AMDHD2: variants seen among roughly 807,000 people sequenced by gnomAD.
The protein encoded by AMDHD2 is amidohydrolase domain containing 2.
A neutral mutation model predicts 41.8 loss-of-function variants in AMDHD2; 24 were observed. That is an observed-to-expected ratio of 0.57 (90% CI 0.42 to 0.81). The LOEUF (loss-of-function observed/expected upper bound fraction) is 0.81. AMDHD2 is among the 30% of genes least tolerant of loss of function. The probability of loss-of-function intolerance (pLI) is 0.00; values close to 1 mark genes in which losing one functional copy is unlikely to be tolerated. For missense variants in AMDHD2, 540 were observed against 588.5 expected, an observed-to-expected ratio of 0.92 and a Z score of 0.85; for synonymous variants, 332 against 255.5, an observed-to-expected ratio of 1.30 and a Z score of -2.85.
chr16:2,529,348 G>T, intron 10 of AMDHD2, 127 bp from the exon 11 acceptor site: 1 of 1,428,046 alleles, frequency 7.0e-7, no homozygotes, highest in Non-Finnish European at 9.6e-7. Context: ...GATGGGTCAG[G>T]GTGTCTTGCA....
chr16:2,527,470 A>T lies in AMDHD2; in HGVS notation c.361-91A>T. On this transcript the variant is annotated intron_variant, in intron 3 of 10. Transcript: ENST00000293971. The surrounding 1 kb of genome is among the most constrained non-coding windows in gnomAD (Gnocchi z 6.1). ...GGGCTGGGCTGGGTGCTGGGCTCTG[A>T]ACTCTGACCTGAGATCTCTGGCCTT... 6.9e-7 allele frequency: 1 copy of T among 1,442,574 alleles called. No homozygotes were observed. The highest frequency in any genetic ancestry group is 2.0e-5 in the Admixed American group (1 of 49,878). 89.4% of individuals were successfully genotyped at this position (1,442,574 alleles called of 1,614,324 possible).
At chr16:2,524,650 G>A (rs1029237756) in intron 3 of AMDHD2, among the ~76,000 whole-genome samples, 3 of 152,034 alleles carry the variant, frequency 2.0e-5, no homozygotes, top group Admixed American at 6.6e-5. Flanking sequence ...GAAAAACAGC[G>A]GCCCTTTGCC....
In AMDHD2 at chr16:2,528,069, T is replaced by C. The variant is rs780309047; in HGVS notation, c.638T>C (p.Val213Ala). The part of the protein sequence containing the change: ...RGICVSLGHS[V>A]ADLRAAEDAV... ...AATCCAGGTCCCGCAGGGCACTCAG[T>C]GGCTGACCTGCGGGCGGCAGAGGAT... The change falls in exon 6 of 11, where the codon GTG (valine) becomes GCG (alanine). Residue 213 changes from valine to alanine, a missense_variant. By Grantham distance (64) the Val-to-Ala change is moderately conservative. Coordinates refer to ENST00000293971, the MANE Select transcript of AMDHD2 (RefSeq NM_001330449.2). 9.3e-6 allele frequency: 15 copies of C among 1,612,968 alleles called. No homozygotes were observed. Among genetic ancestry groups the C allele is most frequent in the Admixed American group, 1.7e-5 (1 of 60,022 alleles).
At position 2,520,860 on chromosome 16, in the gene AMDHD2, G is replaced by A; in HGVS notation, c.175G>A (p.Gly59Arg). 3.1e-6 allele frequency: 5 copies of A among 1,610,994 alleles called. No individual in the cohort carries two copies. The highest frequency in any genetic ancestry group is 4.2e-6 in the Non-Finnish European group (5 of 1,178,990). Residue 59 changes from glycine (G) to arginine (R), a missense_variant, in exon 2 of 11, where the codon GGG (glycine) becomes AGG (arginine). Transcript: ENST00000293971. The part of the protein sequence containing the change: ...RRVADERRDC[G>R]GRILAPGFID... ...CGTGGCCGACGAGCGGCGGGACTGC[G>A]GGGGCCGCATCTTGGCTCCCGGATT... is the stretch of plus-strand genomic sequence containing the variant.
chr16:2,525,679 G>A (rs2065994858), intron 3 of AMDHD2, among the ~76,000 whole-genome samples: 1 of 152,116 alleles, frequency 6.6e-6, no homozygotes, highest in African/African-American at 2.4e-5. Context: ...CAGGTAGCTG[G>A]GACTACAGGT....
chr16:2,521,532 C>T (rs139264754), intron 3 of AMDHD2, among the ~76,000 whole-genome samples: 2 of 152,298 alleles, frequency 1.3e-5, no homozygotes, highest in East Asian at 3.9e-4. Flanking sequence ...CTCAGTGGAA[C>T]ACGCCTTCCA....
chr16:2,520,938 G>A (rs755588679), intron 2 of AMDHD2, 33 bp downstream of exon 2: 3 of 1,596,470 alleles, frequency 1.9e-6, no homozygotes, highest in South Asian at 2.2e-5. Flanking sequence ...GAACCCAGGG[G>A]AGGAGCTCTG....
Position 2,530,124 on chromosome 16 carries a change from T to C in AMDHD2, c.*561T>C, listed in dbSNP as rs2066065736. ...CAGGGCACAGTGCCAGGGGCTCCGC[T>C]CTGACCTCCAGGAGGGAGACTGGGC... On this transcript the variant is annotated 3_prime_UTR_variant, in exon 11 of 11. Coordinates refer to ENST00000293971, the MANE Select transcript of AMDHD2 (RefSeq NM_001330449.2). 1 of 1,324,524 alleles carries C rather than the reference T, an allele frequency of 7.5e-7. No individual in the cohort carries two copies. The highest frequency in any genetic ancestry group is 1.0e-6 in the Non-Finnish European group (1 of 994,142). 82.0% of individuals were successfully genotyped at this position (1,324,524 alleles called of 1,614,324 possible).
At chr16:2,523,948 C>A (rs920366046) in intron 3 of AMDHD2, among the ~76,000 whole-genome samples, 1 of 152,228 alleles carries the variant, frequency 6.6e-6, no homozygotes, top group Non-Finnish European at 1.5e-5. Context: ...CCAGCACAGG[C>A]GTGGGAGGAA....
At chr16:2,524,072 G>A (rs567588779) in intron 3 of AMDHD2, among the ~76,000 whole-genome samples, 7 of 152,352 alleles carry the variant, frequency 4.6e-5, no homozygotes, top group African/African-American at 1.7e-4. Context: ...GATGAAGGCA[G>A]AGAGCCAACT....
chr16:2,524,362 T>TA (rs1275658616), intron 3 of AMDHD2, among the ~76,000 whole-genome samples: 2 of 152,228 alleles, frequency 1.3e-5, no homozygotes, highest in African/African-American at 2.4e-5. Flanking sequence ...TTAAGTCTGT[T>TA]ACCTCCTGAG....
chr16:2,529,700 C>T lies in AMDHD2; in HGVS notation c.*137C>T, dbSNP rs1216765394. 46 of 1,487,428 alleles carry T rather than the reference C, an allele frequency of 3.1e-5. No homozygotes were observed. In the Admixed American group the frequency reaches 7.3e-4, roughly 24 times the overall value. The allele number at this position is 1,487,428 out of a possible 1,614,324, so 92.1% of individuals were successfully genotyped here. A position where few individuals can be genotyped will look rare whatever the true frequency, so the allele number is the denominator to read the frequency against. ...AGGGCCTGTGCGGCCGCCCTGGAGG[C>T]GGTGGCTGGGATAAACGTGCACCCA... is the stretch of plus-strand genomic sequence containing the variant. On this transcript the variant is annotated 3_prime_UTR_variant, in exon 11 of 11. Coordinates refer to ENST00000293971, the MANE Select transcript of AMDHD2 (RefSeq NM_001330449.2).
At position 2,520,899 on chromosome 16, in the gene AMDHD2, A is replaced by G; in HGVS notation, c.214A>G (p.Ile72Val). ...GGCTCCCGGATTCATCGACGTGCAG[A>G]TCAACGGTGCGGCCCGGGGCCGGCA... is the stretch of plus-strand genomic sequence containing the variant. ...ILAPGFIDVQ[I>V]NGGFGVDFSQ... The change falls in exon 2 of 11, where the codon ATC (isoleucine) becomes GTC (valine). Residue 72 changes from isoleucine (I) to valine (V), a missense_variant. Transcript: ENST00000293971. 2 of 1,607,690 alleles carry G rather than the reference A, an allele frequency of 1.2e-6. No homozygotes were observed. The highest frequency in any genetic ancestry group is 2.2e-5 in the South Asian group (2 of 90,478).
chr16:2,530,716 A>C lies in AMDHD2; in HGVS notation c.*1153A>C. ...GTCTGGGCCCCACCTGTTGGAAGGG[A>C]ACAGCCAGGGAAGAACCACCTGCCT... On this transcript the variant is annotated 3_prime_UTR_variant, in exon 11 of 11. Coordinates refer to ENST00000293971, the MANE Select transcript of AMDHD2 (RefSeq NM_001330449.2). The C allele has an allele frequency of 6.2e-7, 1 of 1,614,014 alleles. No homozygotes were observed. Among genetic ancestry groups the C allele is most frequent in the Non-Finnish European group, 8.5e-7 (1 of 1,180,016 alleles).
rs557104672 is a variant in AMDHD2 at position 2,531,219 on chromosome 16, G to A, written c.*1656G>A. On this transcript the variant is annotated 3_prime_UTR_variant, in exon 11 of 11. Coordinates refer to ENST00000293971, the MANE Select transcript of AMDHD2 (RefSeq NM_001330449.2). ...GCCCCACCTCCCTGGCTGGAGGGTC[G>A]GGGAGGGGCTGGCAGAGATGGTTGG... 41 of 1,076,914 alleles carry A rather than the reference G, an allele frequency of 3.8e-5. No individual in the cohort carries two copies. In the African/African-American group the frequency reaches 3.9e-4, roughly 10 times the overall value. The allele number at this position is 1,076,914 out of a possible 1,614,324, so 66.7% of individuals were successfully genotyped here. A position where few individuals can be genotyped will look rare whatever the true frequency, so the allele number is the denominator to read the frequency against.
At chr16:2,525,433 C>T (rs1398260603) in intron 3 of AMDHD2, among the ~76,000 whole-genome samples, 1 of 149,596 alleles carries the variant, frequency 6.7e-6, no homozygotes, top group Non-Finnish European at 1.5e-5. Context: ...ATGGCACAAT[C>T]TCGGCTTACT....
chr16:2,520,740 A>G, intron 1 of AMDHD2, 29 bp from the exon 2 acceptor site: 2 of 1,524,296 alleles, frequency 1.3e-6, no homozygotes, highest in Non-Finnish European at 1.8e-6. Context: ...CAGGCCCGCG[A>G]TGCGAGCGCC....
At position 2,520,762 on chromosome 16, in the gene AMDHD2, T is replaced by C; in HGVS notation, c.84-7T>C. On this transcript the variant is annotated splice_region_variant and splice_polypyrimidine_tract_variant and intron_variant, in intron 1 of 10. Coordinates refer to ENST00000293971, the MANE Select transcript of AMDHD2 (RefSeq NM_001330449.2). ...GCGATGCGAGCGCCCACCCACTGCG[T>C]CCCCAGGGAGGATCTGTGGGTGCGC... 6.4e-7 allele frequency: 1 copy of C among 1,574,476 alleles called. No individual in the cohort carries two copies. The highest frequency in any genetic ancestry group is 8.6e-7 in the Non-Finnish European group (1 of 1,161,958).
Position 2,520,446 on chromosome 16 carries a change from GACACGGCTCACGAT to G in AMDHD2, c.-12_2del. 1 of 1,231,762 alleles carries G rather than the reference GACACGGCTCACGAT, an allele frequency of 8.1e-7. No individual in the cohort carries two copies. The highest frequency in any genetic ancestry group is 1.0e-6 in the Non-Finnish European group (1 of 981,362). The allele number at this position is 1,231,762 out of a possible 1,614,324, so 76.3% of individuals were successfully genotyped here. On this transcript the variant is annotated start_lost and 5_prime_UTR_variant, in exon 1 of 11. Transcript: ENST00000293971. ...CGGGGCTCCGGAGCCGCTCGCTCCC[GACACGGCTCACGAT>G]GCGCGGCGAGCAGGGCGCGGCGGGG... is the stretch of plus-strand genomic sequence containing the variant.
Sources: gnomAD v4.1 joint callset for allele counts (sites outside exome capture counted in the v4.1 genomes callset) on GRCh38, gnomAD v4.1.1 for gene constraint, Gnocchi (gnomAD v3.1) non-coding constraint, MANE v1.5 for transcripts, NCBI Gene and HGNC (gene_info 2026-07-23, HGNC 2026-07-21) for gene names.